The following RANBP2 variants were observed in gnomAD, a reference collection of about 807,000 sequenced individuals.
The protein encoded by RANBP2 is E3 SUMO-protein ligase RanBP2.
In RANBP2, 57 loss-of-function variants were observed where a neutral mutation model predicts 303.6. The ratio of observed to expected loss-of-function variants is 0.19; its 90% confidence interval spans 0.15 to 0.23. The LOEUF (loss-of-function observed/expected upper bound fraction) is 0.23, where lower values mean the gene tolerates loss of function less well. Ranked by LOEUF, RANBP2 falls within the 10% of genes least tolerant of loss-of-function variation. The probability of loss-of-function intolerance (pLI) is 1.00; values close to 1 mark genes in which losing one functional copy is unlikely to be tolerated. For synonymous variants in RANBP2, 1,167 were observed against 1,301.5 expected (o/e 0.90, Z 2.23); for missense variants, 3,138 against 3,780.8 (o/e 0.83, Z 4.46).
the RANBP2 span, among the ~76,000 whole-genome samples, chr2:109,470,973 A>C: frequency 7.2e-5 from 11 of 152,190 alleles, no homozygotes; most frequent in Admixed American, 5.9e-4. Context: ...TAATCCCAGC[A>C]CTTTGAGAGG....
At chr2:109,299,487 C>T in the RANBP2 span, among the ~76,000 whole-genome samples, 6 of 151,884 alleles carry the variant, frequency 4.0e-5, no homozygotes, top group Admixed American at 1.3e-4. Context: ...AGCAGGGAGA[C>T]CTCCCATGAT....
At chr2:109,640,450 TTAAA>T in the RANBP2 span, among the ~76,000 whole-genome samples, 3 of 152,280 alleles carry the variant, frequency 2.0e-5, no homozygotes, top group Admixed American at 6.5e-5. Context: ...ATACTCCATC[TTAAA>T]TAAATAAATA....
the RANBP2 span, among the ~76,000 whole-genome samples, chr2:109,297,171 C>T: frequency 1.3e-5 from 2 of 151,932 alleles, no homozygotes; most frequent in Non-Finnish European, 2.9e-5. Context: ...GCAGAGAGAG[C>T]AGGGCCTCTG....
chr2:108,737,432 T>G (rs542209633), intron 6 of RANBP2, among the ~76,000 whole-genome samples: 10 of 149,232 alleles, frequency 6.7e-5, no homozygotes, highest in East Asian at 6.0e-4. Flanking sequence ...TCCGCCTCCC[T>G]GGTTCAGGCG....
At chr2:108,959,140 G>A in the RANBP2 span, among the ~76,000 whole-genome samples, 24 of 152,234 alleles carry the variant, frequency 1.6e-4, no homozygotes, top group Non-Finnish European at 3.1e-4. Context: ...AGCTAGAATC[G>A]TGACTAATGG....
At chr2:109,474,488 G>T in the RANBP2 span, among the ~76,000 whole-genome samples, 37 of 152,306 alleles carry the variant, frequency 2.4e-4, no homozygotes, top group African/African-American at 8.2e-4. Context: ...CATGATCCCT[G>T]GGGACAGGCG....
chr2:109,626,291 C>G, the RANBP2 span, among the ~76,000 whole-genome samples: 2 of 151,870 alleles, frequency 1.3e-5, no homozygotes, highest in African/African-American at 4.8e-5. Context: ...ACCAGCCTGA[C>G]CAACATGGTG....
the RANBP2 span, among the ~76,000 whole-genome samples, chr2:109,079,420 GT>G: frequency 1.3e-5 from 2 of 152,100 alleles, no homozygotes; most frequent in African/African-American, 4.8e-5. Context: ...GGAGTCAAAA[GT>G]TATTTGTGGA....
chr2:109,619,566 C>A, the RANBP2 span, among the ~76,000 whole-genome samples: 60 of 152,276 alleles, frequency 3.9e-4, no homozygotes, highest in Non-Finnish European at 7.8e-4. Flanking sequence ...CCCACTATTG[C>A]TCTATCCGGG....
chr2:109,541,713 T>A, the RANBP2 span, among the ~76,000 whole-genome samples: 1 of 152,342 alleles, frequency 6.6e-6, no homozygotes, highest in Admixed American at 6.5e-5. Context: ...AATGCCTCCT[T>A]CTTTCATACT....
the RANBP2 span, among the ~76,000 whole-genome samples, chr2:109,408,039 G>A: frequency 6.6e-6 from 1 of 152,134 alleles, no homozygotes; most frequent in Admixed American, 6.5e-5. Context: ...AGATCCTTGG[G>A]TCTTCTTGGC....
At chr2:109,058,540 C>T in the RANBP2 span, among the ~76,000 whole-genome samples, 4 of 152,278 alleles carry the variant, frequency 2.6e-5, no homozygotes, top group South Asian at 4.1e-4. Context: ...ACAAATGTGG[C>T]GCCTGCTTAA....
chr2:109,656,720 G>T, the RANBP2 span, among the ~76,000 whole-genome samples: 1 of 152,342 alleles, frequency 6.6e-6, no homozygotes, highest in East Asian at 1.9e-4. Flanking sequence ...TATCTCACAT[G>T]ATAGCAATTA....
chr2:108,847,901 G>A, the RANBP2 span, among the ~76,000 whole-genome samples: 1 of 152,110 alleles, frequency 6.6e-6, no homozygotes, highest in African/African-American at 2.4e-5. Flanking sequence ...GATTACAATA[G>A]ACTAGGTGGT....
At chr2:109,257,256 G>A in the RANBP2 span, among the ~76,000 whole-genome samples, 1 of 152,088 alleles carries the variant, frequency 6.6e-6, no homozygotes, top group African/African-American at 2.4e-5. Context: ...TGTTCGTTCT[G>A]TGGCCAGGAG....
the RANBP2 span, among the ~76,000 whole-genome samples, chr2:109,301,541 C>G: frequency 6.6e-6 from 1 of 152,070 alleles, no homozygotes; most frequent in East Asian, 1.9e-4. Context: ...ACCAGGGTGC[C>G]CAGAGCCCAT....
the RANBP2 span, among the ~76,000 whole-genome samples, chr2:109,612,422 C>T: frequency 6.6e-6 from 1 of 152,218 alleles, no homozygotes; most frequent in East Asian, 1.9e-4. Context: ...GTTGTGATAT[C>T]GTACTATGGG....
the RANBP2 span, chr2:109,553,129 T>C: frequency 6.2e-7 from 1 of 1,613,830 alleles, no homozygotes; most frequent in South Asian, 1.1e-5. Context: ...TCTCCTTTAC[T>C]CGCTGCACAA....
chr2:108,815,461 G>GTTTTTTTTTTTTTTT, the RANBP2 span, among the ~76,000 whole-genome samples: 2 of 70,700 alleles, frequency 2.8e-5, no homozygotes, highest in Non-Finnish European at 2.5e-5. Flanking sequence ...GGTTTTTGGT[G>GTTTTTTTTTTTTTTT]TTTTTTTTTT....
Sources: gnomAD v4.1 joint callset for allele counts (sites outside exome capture counted in the v4.1 genomes callset) on GRCh38, gnomAD v4.1.1 for gene constraint, MANE v1.5 for transcripts, NCBI Gene and HGNC (gene_info 2026-07-23, HGNC 2026-07-21) for gene names.